MIPOL1: variants seen among roughly 807,000 people sequenced by gnomAD.
The protein encoded by MIPOL1 is mirror-image polydactyly 1.
In MIPOL1, 57 loss-of-function variants were observed where a neutral mutation model predicts 60.9. The observed-to-expected ratio is 0.94, with a 90% CI of 0.76 to 1.17. MIPOL1 has a LOEUF of 1.17. Among genes scored for constraint, MIPOL1 ranks in the 50% most tolerant of loss-of-function variants. MIPOL1 has a pLI of 0.00. For missense variants in MIPOL1, 551 were observed against 511.6 expected (o/e 1.08, Z -0.74); for synonymous variants, 179 against 168.8 (o/e 1.06, Z -0.47).
At chr14:37,264,352 A>C (rs1236020549) in intron 3 of MIPOL1, among the ~76,000 whole-genome samples, 1 of 151,998 alleles carries the variant, frequency 6.6e-6, no homozygotes, top group South Asian at 2.1e-4. Flanking sequence ...AAGGTCAGGC[A>C]TGGTGGCTTA....
chr14:37,219,697 A>T (rs1968410018), intron 1 of MIPOL1: 1 of 152,198 alleles, frequency 6.6e-6, no homozygotes, highest in South Asian at 2.1e-4. Context: ...CTGAGGTATT[A>T]AGTCTTCTGT....
At chr14:37,381,070 G>A (rs185170189) in intron 10 of MIPOL1, among the ~76,000 whole-genome samples, 2 of 152,136 alleles carry the variant, frequency 1.3e-5, no homozygotes, top group East Asian at 3.9e-4. Context: ...CAGTACTTCA[G>A]GGAGAGGAAT....
chr14:37,362,795 CTTTG>C (rs1243658810), intron 9 of MIPOL1, among the ~76,000 whole-genome samples: 1 of 152,100 alleles, frequency 6.6e-6, no homozygotes, highest in African/African-American at 2.4e-5. Context: ...TTCTTGGAGG[CTTTG>C]TTTGTTTCTT....
chr14:37,433,376 C>G (rs2094108525), intron 11 of MIPOL1, among the ~76,000 whole-genome samples: 1 of 152,118 alleles, frequency 6.6e-6, no homozygotes, highest in Non-Finnish European at 1.5e-5. Context: ...CCCTTGCCCC[C>G]CAACCTCCAA....
intron 11 of MIPOL1, among the ~76,000 whole-genome samples, chr14:37,426,594 T>TATATATATATACAC (rs1447990257): frequency 5.6e-5 from 7 of 125,434 alleles, no homozygotes; most frequent in East Asian, 2.3e-4. Flanking sequence ...TATATATATA[T>TATATATATATACAC]ACACACACAC....
At chr14:37,280,019 A>G (rs72671734) in intron 6 of MIPOL1, among the ~76,000 whole-genome samples, 46,412 of 151,802 alleles carry the variant, frequency 0.31, 7,295 homozygotes, top group East Asian at 0.46. Flanking sequence ...TAGATTCCAC[A>G]TATGTGAGAT....
rs138047059 is a variant in MIPOL1, at chr14:37,362,411, T to C, written c.829-7106T>C. On this transcript the variant is annotated intron_variant, in intron 9 of 12. Coordinates refer to ENST00000684589, the MANE Select transcript of MIPOL1 (RefSeq NM_001388067.1). Reference sequence around the variant, plus strand: ...TGAAATTCTGGGTTGAAAATTCTTTTCTTTAAGAATGTTGAATATTGACCC... The same window carrying C: ...TGAAATTCTGGGTTGAAAATTCTTTCCTTTAAGAATGTTGAATATTGACCC... Among the ~76,000 whole-genome samples, 775 of 152,284 alleles carry C rather than the reference T, an allele frequency of 5.1e-3. 4 individuals carry two copies. The highest frequency in any genetic ancestry group is 0.018 in the African/African-American group (728 of 41,570).
chr14:37,426,544 A>G (rs2093962290), intron 11 of MIPOL1, among the ~76,000 whole-genome samples: 2 of 129,086 alleles, frequency 1.5e-5, no homozygotes, highest in Non-Finnish European at 1.6e-5. Flanking sequence ...CTGGGCAACA[A>G]GAGTGAAACT....
At chr14:37,502,940 A>T (rs1158402261) in intron 12 of MIPOL1, 1 of 152,236 alleles carries the variant, frequency 6.6e-6, no homozygotes, top group African/African-American at 2.4e-5. Flanking sequence ...GACCTGATGG[A>T]GATGAAAACC....
At chr14:37,274,360 A>T (rs1010738066) in intron 6 of MIPOL1, among the ~76,000 whole-genome samples, 5 of 151,374 alleles carry the variant, frequency 3.3e-5, no homozygotes, top group African/African-American at 1.2e-4. Context: ...AAAATCTCTG[A>T]TGGTTGACTA....
chr14:37,436,718 CA>C (rs1469321098), intron 11 of MIPOL1, among the ~76,000 whole-genome samples: 1 of 152,172 alleles, frequency 6.6e-6, no homozygotes, highest in Non-Finnish European at 1.5e-5. Flanking sequence ...ACTGGCAGTA[CA>C]GTCAGATATC....
At chr14:37,336,023 G>T (rs1321917886) in intron 9 of MIPOL1, among the ~76,000 whole-genome samples, 3 of 150,344 alleles carry the variant, frequency 2.0e-5, no homozygotes, top group African/African-American at 7.3e-5. Flanking sequence ...GAGTTTCAGA[G>T]TTATTAGGTC....
chr14:37,385,918 T>TA (rs1360665392), intron 10 of MIPOL1: 3 of 152,086 alleles, frequency 2.0e-5, no homozygotes, highest in Admixed American at 1.3e-4. Context: ...GTTAATTTTT[T>TA]ATCCTTTATC....
At chr14:37,515,144 C>A (rs1360757507) in intron 12 of MIPOL1, among the ~76,000 whole-genome samples, 2 of 152,028 alleles carry the variant, frequency 1.3e-5, no homozygotes, top group African/African-American at 4.8e-5. Flanking sequence ...TAACTTTATT[C>A]TTGATCATTT....
At chr14:37,448,565 T>C (rs1566623621) in intron 11 of MIPOL1, among the ~76,000 whole-genome samples, 3 of 152,170 alleles carry the variant, frequency 2.0e-5, no homozygotes, top group Non-Finnish European at 4.4e-5. Context: ...TAATTACAGC[T>C]AGCAAAAAAA....
At chr14:37,465,309 C>A (rs1016345277) in intron 11 of MIPOL1, among the ~76,000 whole-genome samples, 4 of 152,122 alleles carry the variant, frequency 2.6e-5, no homozygotes, top group African/African-American at 7.2e-5. Flanking sequence ...ATTTTAGGAA[C>A]AATTACATTA....
chr14:37,430,500 A>AGTTTT (rs2094042083), intron 11 of MIPOL1, among the ~76,000 whole-genome samples: 1 of 57,642 alleles, frequency 1.7e-5, no homozygotes, highest in Non-Finnish European at 6.5e-5. Flanking sequence ...AAATTAAAAT[A>AGTTTT]GTTTTTTTTT....
rs74047269 is a variant in MIPOL1 at position 37,266,781 on chromosome 14, A to G, written c.20-157A>G. Among the ~76,000 whole-genome samples, 1,701 of 152,190 alleles carry G rather than the reference A, an allele frequency of 0.011. 32 individuals are homozygous for G. The highest frequency in any genetic ancestry group is 0.039 in the African/African-American group (1,616 of 41,514). The stretch of plus-strand genomic sequence containing the variant: ...GAGACCAAATTTACCATTATCTACA[A>G]CTTATCCCAATGCTTATCTGATTAC... On this transcript the variant is annotated intron_variant, in intron 3 of 12. Transcript: ENST00000684589.
chr14:37,282,302 C>T (rs1488044851), intron 6 of MIPOL1, among the ~76,000 whole-genome samples: 5 of 151,156 alleles, frequency 3.3e-5, no homozygotes, highest in African/African-American at 4.9e-5. Flanking sequence ...CGTGCAATGG[C>T]GTGATATCGG....
Sources: allele counts gnomAD v4.1 joint callset (sites outside exome capture counted in the v4.1 genomes callset), GRCh38; gene constraint gnomAD v4.1.1; transcripts MANE v1.5; gene names NCBI Gene and HGNC (gene_info 2026-07-23, HGNC 2026-07-21).